The following FRS2 variants were observed in gnomAD, a reference collection of about 807,000 sequenced individuals.
FRS2 encodes fibroblast growth factor receptor substrate 2.
In FRS2, 8 loss-of-function variants were observed where a neutral mutation model predicts 43.9. The ratio of observed to expected loss-of-function variants is 0.18; its 90% CI spans 0.11 to 0.33. The LOEUF is 0.33. FRS2 is among the 10% of genes least tolerant of loss of function. The pLI is 1.00. For missense variants in FRS2, 534 were observed against 627.6 expected (o/e 0.85, Z 1.59); for synonymous variants, 219 against 220.3 (o/e 0.99, Z 0.05).
At chr12:69,521,557 A>C (rs1875643611) in intron 1 of FRS2, among the ~76,000 whole-genome samples, 1 of 151,948 alleles carries the variant, frequency 6.6e-6, no homozygotes, top group Admixed American at 6.6e-5. Context: ...GATAGCTCTA[A>C]TTATTTTGAG....
intron 3 of FRS2, among the ~76,000 whole-genome samples, chr12:69,545,074 A>T (rs1267759408): frequency 6.6e-6 from 1 of 152,232 alleles, no homozygotes; most frequent in Non-Finnish European, 1.5e-5. Flanking sequence ...ATCAAAAAGA[A>T]TAAAATACAA....
chr12:69,558,797 A>G (rs1027873358), intron 3 of FRS2, among the ~76,000 whole-genome samples: 7 of 152,196 alleles, frequency 4.6e-5, no homozygotes, highest in Non-Finnish European at 1.0e-4. Flanking sequence ...GAGTCAGGGA[A>G]TGTGTCCTTT....
rs1397298279 is a variant in FRS2, at chr12:69,575,472, G to T, written c.*517G>T. On this transcript the variant is annotated 3_prime_UTR_variant, in exon 9 of 9. Coordinates refer to ENST00000549921, the MANE Select transcript of FRS2 (RefSeq NM_001278356.2). ...AGCCAAAACATATGTAAAGGAAACAGAAGTACCGCACCTCCTCTTACACCA... is the reference window on the plus strand; with the variant it reads ...AGCCAAAACATATGTAAAGGAAACATAAGTACCGCACCTCCTCTTACACCA... The T allele has an allele frequency of 6.5e-6, 1 of 153,574 alleles. No individual in the cohort carries two copies. Among genetic ancestry groups the T allele is most frequent in the African/African-American group, 2.4e-5 (1 of 41,444 alleles). 9.5% of individuals were successfully genotyped at this position (153,574 alleles called of 1,614,324 possible). A position where few individuals can be genotyped will look rare whatever the true frequency, so the allele number is the denominator to read the frequency against.
chr12:69,557,607 T>C (rs186266198), intron 3 of FRS2, among the ~76,000 whole-genome samples: 1 of 121,634 alleles, frequency 8.2e-6, no homozygotes, highest in African/African-American at 3.9e-5. Context: ...TGTGTGTGTG[T>C]GTGTGTGTGT....
chr12:69,558,137 G>A (rs1879589194), intron 3 of FRS2, among the ~76,000 whole-genome samples: 1 of 152,130 alleles, frequency 6.6e-6, no homozygotes, highest in Non-Finnish European at 1.5e-5. Context: ...AGTTTTCTGG[G>A]TCTAGAAGGG....
chr12:69,490,311 C>G (rs1872357003), intron 1 of FRS2, among the ~76,000 whole-genome samples: 1 of 151,866 alleles, frequency 6.6e-6, no homozygotes, highest in Non-Finnish European at 1.5e-5. Flanking sequence ...AAAAGATGAA[C>G]TGTTTCTTTA....
chr12:69,571,334 T>G lies in FRS2; in HGVS notation c.312T>G (p.Ile104Met), dbSNP rs760735272. 16 of 1,606,948 alleles carry G rather than the reference T, an allele frequency of 1.0e-5. No individual in the cohort carries two copies. The African/African-American group carries it at 2.1e-4, about 21-fold the overall frequency. The change falls in exon 7 of 9, where the codon ATT (isoleucine) becomes ATG (methionine). Residue 104 changes from isoleucine (I) to methionine (M), a missense_variant. This residue lies in a region of FRS2 where 12 missense variants were observed against 42.9 expected (regional missense o/e 0.28). Coordinates refer to ENST00000549921, the MANE Select transcript of FRS2 (RefSeq NM_001278356.2). Reference sequence around the variant, plus strand: ...AATTATTTAACATGTTGCAAGAGATTATGCAAAATAATAGTATAAATGTGG... The same window carrying G: ...AATTATTTAACATGTTGCAAGAGATGATGCAAAATAATAGTATAAATGTGG... ...AEELFNMLQE[I>M]MQNNSINVVE...
intron 1 of FRS2, among the ~76,000 whole-genome samples, chr12:69,507,913 A>G (rs1267840340): frequency 6.6e-6 from 1 of 150,926 alleles, no homozygotes; most frequent in Non-Finnish European, 1.5e-5. Context: ...AATCCCAGCT[A>G]CTCAGGAGGC....
At chr12:69,534,919 T>G (rs1877132514) in intron 3 of FRS2, among the ~76,000 whole-genome samples, 1 of 152,202 alleles carries the variant, frequency 6.6e-6, no homozygotes, top group Non-Finnish European at 1.5e-5. Flanking sequence ...TTTTATTGTT[T>G]TTTAAATTAT....
intron 4 of FRS2, 83 bp downstream of exon 4, chr12:69,562,357 G>A (rs1879945047): frequency 1.0e-5 from 4 of 394,904 alleles, no homozygotes; most frequent in Non-Finnish European, 1.8e-5. Context: ...TACAGATGAA[G>A]TCCTGTTATG....
intron 1 of FRS2, among the ~76,000 whole-genome samples, chr12:69,502,877 G>GCAGCAT (rs1343965842): frequency 1.3e-5 from 2 of 152,168 alleles, no homozygotes; most frequent in Non-Finnish European, 2.9e-5. Context: ...AGCAGCAGCA[G>GCAGCAT]CAGCATCAGC....
intron 1 of FRS2, among the ~76,000 whole-genome samples, chr12:69,507,053 C>T (rs1338795192): frequency 6.6e-6 from 1 of 152,202 alleles, no homozygotes; most frequent in African/African-American, 2.4e-5. Context: ...AAGGCTCTCA[C>T]CAAATGCGGT....
At chr12:69,536,148 G>A (rs1238647016) in intron 3 of FRS2, among the ~76,000 whole-genome samples, 1 of 49,980 alleles carries the variant, frequency 2.0e-5, no homozygotes, top group African/African-American at 6.8e-5. Flanking sequence ...TTTTGGAGAC[G>A]AAGTCTTACT....
chr12:69,478,151 A>G (rs1484460849), intron 1 of FRS2, among the ~76,000 whole-genome samples: 1 of 152,206 alleles, frequency 6.6e-6, no homozygotes, highest in Non-Finnish European at 1.5e-5. Flanking sequence ...GCTGTTTTAA[A>G]TACTACTAAG....
intron 4 of FRS2, among the ~76,000 whole-genome samples, chr12:69,568,604 T>G (rs1880494242): frequency 6.6e-6 from 1 of 152,050 alleles, no homozygotes; most frequent in African/African-American, 2.4e-5. Flanking sequence ...TCTCTGTCTC[T>G]CTCTCTCTCT....
At chr12:69,570,910 A>G (rs959970823) in intron 6 of FRS2, among the ~76,000 whole-genome samples, 1 of 152,360 alleles carries the variant, frequency 6.6e-6, no homozygotes, top group East Asian at 1.9e-4. Context: ...ATTAAACAAG[A>G]TAACAATTGG....
rs1467648549 is a variant in FRS2 at position 69,571,446 on chromosome 12, T to G, written c.412+12T>G. ...TCGAACACCTACAAGTAAGTACCCC[T>G]TTTCCCTTTCACATTTTGAATAACA... On this transcript the variant is annotated intron_variant, in intron 7 of 8. Coordinates refer to ENST00000549921, the MANE Select transcript of FRS2 (RefSeq NM_001278356.2). 1.6e-5 allele frequency: 26 copies of G among 1,596,562 alleles called. No individual in the cohort carries two copies. The highest frequency in any genetic ancestry group is 2.0e-5 in the Non-Finnish European group (23 of 1,167,506).
intron 4 of FRS2, among the ~76,000 whole-genome samples, chr12:69,567,395 C>T (rs1880393663): frequency 6.6e-6 from 1 of 152,066 alleles, no homozygotes; most frequent in South Asian, 2.1e-4. Context: ...TGCTAGGGAT[C>T]CTTCACATTT....
chr12:69,513,249 G>T (rs565782597), intron 1 of FRS2, among the ~76,000 whole-genome samples: 1 of 151,040 alleles, frequency 6.6e-6, no homozygotes, highest in Non-Finnish European at 1.5e-5. Context: ...AATCTGAAAA[G>T]ATTTGCTTTT....
Sources: gnomAD v4.1 joint callset for allele counts (sites outside exome capture counted in the v4.1 genomes callset) on GRCh38, gnomAD v4.1.1 for gene constraint, gnomAD v4.1.1 regional missense constraint, MANE v1.5 for transcripts, NCBI Gene and HGNC (gene_info 2026-07-23, HGNC 2026-07-21) for gene names.